LMX1A: variants seen among roughly 807,000 people sequenced by gnomAD.
LMX1A encodes LIM homeobox transcription factor 1 alpha, also known as LIM homeobox transcription factor 1-alpha.
A neutral mutation model predicts 49.1 loss-of-function variants in LMX1A; 15 were observed. That is an observed-to-expected ratio of 0.31 (90% CI 0.20 to 0.47). The LOEUF is 0.47. Ranked by LOEUF, LMX1A falls within the 20% of genes least tolerant of loss-of-function variation. The pLI is 1.00. For missense variants in LMX1A, 372 were observed against 475.8 expected, an observed-to-expected ratio of 0.78 and a Z score of 2.03; for synonymous variants, 167 against 185.7, an observed-to-expected ratio of 0.90 and a Z score of 0.82.
chr1:165,303,949 T>C (rs1405398004), intron 3 of LMX1A, among the ~76,000 whole-genome samples: 1 of 152,124 alleles, frequency 6.6e-6, no homozygotes, highest in Non-Finnish European at 1.5e-5. Context: ...ATTGTTGTTT[T>C]CTTAAATTGC....
At chr1:165,227,041 G>A (rs1036011746) in intron 4 of LMX1A, among the ~76,000 whole-genome samples, 2 of 152,184 alleles carry the variant, frequency 1.3e-5, no homozygotes, top group African/African-American at 2.4e-5. Flanking sequence ...GGAATACAAC[G>A]GAGGGGCATC....
At chr1:165,205,250 T>C (rs1651026576) in intron 8 of LMX1A, among the ~76,000 whole-genome samples, 1 of 152,176 alleles carries the variant, frequency 6.6e-6, no homozygotes, top group South Asian at 2.1e-4. Flanking sequence ...AGCCCCCTAC[T>C]CTGGGTCCTC....
intron 4 of LMX1A, among the ~76,000 whole-genome samples, chr1:165,224,754 C>T (rs1177094446): frequency 6.6e-6 from 1 of 152,216 alleles, no homozygotes; most frequent in Non-Finnish European, 1.5e-5. Flanking sequence ...CTGTAGAGTT[C>T]TGCCTTTCCA....
intron 3 of LMX1A, among the ~76,000 whole-genome samples, chr1:165,263,148 A>ATCCAG (rs1466640845): frequency 5.3e-5 from 8 of 152,318 alleles, no homozygotes; most frequent in Non-Finnish European, 1.0e-4. Context: ...TAGGGATCTT[A>ATCCAG]TCCAGTCCCA....
chr1:165,343,019 T>C (rs1207164898), intron 3 of LMX1A, among the ~76,000 whole-genome samples: 3 of 152,208 alleles, frequency 2.0e-5, no homozygotes, highest in African/African-American at 7.2e-5. Context: ...AACCTCTCCT[T>C]ACCTAACTTT....
In LMX1A at chr1:165,203,932, C is replaced by T. The variant is rs145918505; in HGVS notation, c.1097G>A (p.Gly366Glu). The T allele has an allele frequency of 1.4e-5, 23 of 1,614,018 alleles. No individual in the cohort carries two copies. In the African/African-American group the frequency reaches 2.3e-4, roughly 16 times the overall value. The change falls in exon 9 of 9, where the codon GGA becomes GAA. Residue 366 changes from glycine (G) to glutamate (E), a missense_variant. This residue lies in a region of LMX1A where 127 missense variants were observed against 138.0 expected (regional missense o/e 0.92). Transcript: ENST00000342310. ...GGAGTACAGATGGTCAATGGGGTTT[C>T]CCACTCTGGACTGCAGAGGCCCAGC... ...SEAGPLQSRV[G>E]NPIDHLYSMQ...
At chr1:165,205,798 G>A in intron 8 of LMX1A, 66 bp downstream of exon 8, 1 of 1,497,876 alleles carries the variant, frequency 6.7e-7, no homozygotes, top group Non-Finnish European at 9.2e-7. Flanking sequence ...GCCTAGATGT[G>A]TTTAGGAGGG....
intron 4 of LMX1A, among the ~76,000 whole-genome samples, chr1:165,247,080 T>TTTTTTG (rs1652883753): frequency 7.4e-6 from 1 of 134,424 alleles, no homozygotes. Context: ...TTTTTTTTTT[T>TTTTTTG]GCAGGGTTAG....
intron 4 of LMX1A, among the ~76,000 whole-genome samples, chr1:165,238,759 A>T (rs1338640585): frequency 6.6e-6 from 1 of 152,218 alleles, no homozygotes; most frequent in African/African-American, 2.4e-5. Flanking sequence ...TGAGAACAAA[A>T]CATAAGGTTC....
intron 4 of LMX1A, among the ~76,000 whole-genome samples, chr1:165,235,157 TA>T (rs796466629): frequency 7.4e-5 from 10 of 135,590 alleles, no homozygotes; most frequent in African/African-American, 3.2e-4. Flanking sequence ...TTAGAGCGTA[TA>T]GGGGGCGATG....
rs185144918 is a variant in LMX1A at position 165,320,889 on chromosome 1, T to G, written c.263+32187A>C. 1.3e-3 allele frequency among the ~76,000 whole-genome samples: 200 copies of G among 152,324 alleles called. 2 individuals carry two copies. Among genetic ancestry groups the G allele is most frequent in the African/African-American group, 4.3e-3 (180 of 41,578 alleles). On this transcript the variant is annotated intron_variant, in intron 3 of 8. Transcript: ENST00000342310. ...GGTAGAAAGCAATGACAAAATGCCA[T>G]GTAGTATTACACAAAAGCTAAACAT...
intron 3 of LMX1A, among the ~76,000 whole-genome samples, chr1:165,316,486 G>A (rs1297079361): frequency 6.6e-6 from 1 of 152,172 alleles, no homozygotes; most frequent in African/African-American, 2.4e-5. Context: ...GCAACCTCAT[G>A]ATGGGCACCC....
intron 8 of LMX1A, among the ~76,000 whole-genome samples, chr1:165,205,257 C>T (rs1248623294): frequency 1.3e-5 from 2 of 152,168 alleles, no homozygotes; most frequent in Non-Finnish European, 2.9e-5. Context: ...TACTCTGGGT[C>T]CTCAGGCCCC....
rs1389497615 is a variant in LMX1A at position 165,213,584 on chromosome 1, T to C, written c.669+57A>G. The C allele has an allele frequency of 2.7e-6, 4 of 1,502,782 alleles. No individual in the cohort carries two copies. In the African/African-American group the frequency reaches 5.6e-5, roughly 21 times the overall value. 93.1% of individuals were successfully genotyped at this position (1,502,782 alleles called of 1,614,324 possible). A position where few individuals can be genotyped will look rare whatever the true frequency, so the allele number is the denominator to read the frequency against. On this transcript the variant is annotated intron_variant, in intron 5 of 8. Transcript: ENST00000342310. ...TGCCCACTGAGATCCCAGAGGGGTC[T>C]GAGTGCACACAGAGAAGTGGGGCCC...
Position 165,250,049 on chromosome 1 carries a change from G to C in LMX1A, c.264-409C>G, listed in dbSNP as rs999935378. Among the ~76,000 whole-genome samples, 16 of 152,020 alleles carry C rather than the reference G, an allele frequency of 1.1e-4. 1 individual carries two copies. Among genetic ancestry groups the C allele is most frequent in the Admixed American group, 1.0e-3 (16 of 15,256 alleles). On this transcript the variant is annotated intron_variant, in intron 3 of 8. Coordinates refer to ENST00000342310, the MANE Select transcript of LMX1A (RefSeq NM_177398.4). Reference sequence around the variant, plus strand: ...GAACAATGACACATGGACACAGGGAGGGGAACAACACACTCTGGGGCCTGT... The same window carrying C: ...GAACAATGACACATGGACACAGGGACGGGAACAACACACTCTGGGGCCTGT...
At chr1:165,236,389 A>G (rs1448681374) in intron 4 of LMX1A, among the ~76,000 whole-genome samples, 1 of 151,396 alleles carries the variant, frequency 6.6e-6, no homozygotes, top group Non-Finnish European at 1.5e-5. Flanking sequence ...ACCAATCACC[A>G]CACTGTGGGT....
intron 6 of LMX1A, among the ~76,000 whole-genome samples, chr1:165,208,422 G>T (rs1240591112): frequency 6.6e-6 from 1 of 152,156 alleles, no homozygotes; most frequent in African/African-American, 2.4e-5. Flanking sequence ...GCTGCTTGTG[G>T]TGTGACCATT....
At chr1:165,272,174 C>A (rs534685359) in intron 3 of LMX1A, among the ~76,000 whole-genome samples, 1 of 152,234 alleles carries the variant, frequency 6.6e-6, no homozygotes, top group African/African-American at 2.4e-5. Context: ...CTTGGTCCTC[C>A]AAACTGAGAA....
At chr1:165,284,493 G>GGTCA (rs1403451102) in intron 3 of LMX1A, among the ~76,000 whole-genome samples, 1 of 152,212 alleles carries the variant, frequency 6.6e-6, no homozygotes, top group African/African-American at 2.4e-5. Context: ...TATTAAGAGT[G>GGTCA]AATGAGCAGG....
Sources: gnomAD v4.1 joint callset for allele counts (sites outside exome capture counted in the v4.1 genomes callset) on GRCh38, gnomAD v4.1.1 for gene constraint, gnomAD v4.1.1 regional missense constraint, MANE v1.5 for transcripts, NCBI Gene and HGNC (gene_info 2026-07-23, HGNC 2026-07-21) for gene names.